The following CENPP variants were observed in gnomAD, a reference collection of about 807,000 sequenced individuals.
The protein encoded by CENPP is centromere protein P.
A neutral mutation model predicts 35.6 loss-of-function variants in CENPP; 24 were observed. The observed-to-expected ratio is 0.67, with a 90% CI of 0.49 to 0.95. The LOEUF is 0.95. CENPP is among the 40% of genes least tolerant of loss of function. The pLI is 0.00. For missense variants in CENPP, 332 were observed against 345.3 expected, an observed-to-expected ratio of 0.96 and a Z score of 0.31; for synonymous variants, 120 against 125.5, an observed-to-expected ratio of 0.96 and a Z score of 0.29.
intron 5 of CENPP, among the ~76,000 whole-genome samples, chr9:92,432,886 A>G (rs1844149843): frequency 6.6e-6 from 1 of 152,104 alleles, no homozygotes; most frequent in Non-Finnish European, 1.5e-5. Flanking sequence ...TAGACCCTTT[A>G]ATTTGGGGAA....
intron 5 of CENPP, chr9:92,522,732 G>C (rs755202399): frequency 6.2e-6 from 10 of 1,614,038 alleles, no homozygotes; most frequent in Non-Finnish European, 8.5e-6. Flanking sequence ...ATCTGTGCTT[G>C]TGTGAGGTTG....
At chr9:92,550,312 CT>C (rs1849561607) in intron 5 of CENPP, among the ~76,000 whole-genome samples, 1 of 151,740 alleles carries the variant, frequency 6.6e-6, no homozygotes, top group African/African-American at 2.4e-5. Flanking sequence ...AGGAGAGTCA[CT>C]TGAACCCAGG....
intron 5 of CENPP, among the ~76,000 whole-genome samples, chr9:92,547,586 C>T (rs533718863): frequency 3.9e-5 from 6 of 152,194 alleles, no homozygotes; most frequent in Non-Finnish European, 8.8e-5. Context: ...TGAATGATTT[C>T]ATTCGTATGA....
At chr9:92,532,029 A>ATTTTTTTTTTTTTTTTTTTTTTTT (rs201461115) in intron 5 of CENPP, among the ~76,000 whole-genome samples, 1 of 91,050 alleles carries the variant, frequency 1.1e-5, no homozygotes, top group Non-Finnish European at 2.1e-5. Flanking sequence ...TTTTTTTTTT[A>ATTTTTTTTTTTTTTTTTTTTTTTT]TTTTATTTTT....
At chr9:92,546,319 C>G (rs771134071) in intron 5 of CENPP, among the ~76,000 whole-genome samples, 2 of 152,206 alleles carry the variant, frequency 1.3e-5, no homozygotes, top group African/African-American at 4.8e-5. Context: ...CTAGCCCTGA[C>G]AACCCACCAG....
At chr9:92,443,915 G>A (rs894037618) in intron 5 of CENPP, among the ~76,000 whole-genome samples, 3 of 152,060 alleles carry the variant, frequency 2.0e-5, no homozygotes, top group East Asian at 1.9e-4. Flanking sequence ...CACCCACTTC[G>A]GCCTCCCAAA....
At chr9:92,516,187 C>T (rs1588213697) in intron 5 of CENPP, among the ~76,000 whole-genome samples, 1 of 151,930 alleles carries the variant, frequency 6.6e-6, no homozygotes, top group East Asian at 1.9e-4. Context: ...CCTCAGCCTC[C>T]CAAGTAGCTG....
At chr9:92,508,254 G>A (rs368224892) in intron 5 of CENPP, among the ~76,000 whole-genome samples, 2 of 152,324 alleles carry the variant, frequency 1.3e-5, no homozygotes, top group South Asian at 2.1e-4. Context: ...AGTGCAGCCG[G>A]GGGTATCTGA....
rs557003379 is a variant in CENPP at position 92,345,782 on chromosome 9, G to A, written c.462G>A (p.Val154=). The change falls in exon 4 of 8, where the codon GTG becomes GTA. Residue 154 remains valine (V), a synonymous_variant. Transcript: ENST00000375587. The part of the protein sequence containing the change: ...PTECSELSEF[V]SRAEERKDLF... The stretch of plus-strand genomic sequence containing the variant: ...AATGCTCAGAATTAAGTGAATTTGT[G>A]TCTAGGTAAGCTATTTTACAAACTT... The A allele has an allele frequency of 5.7e-6, 9 of 1,583,630 alleles. No individual in the cohort carries two copies. The Middle Eastern group carries it at 5.2e-4, about 91-fold the overall frequency.
chr9:92,428,401 A>G (rs1338243546), intron 5 of CENPP, among the ~76,000 whole-genome samples: 3 of 152,198 alleles, frequency 2.0e-5, no homozygotes, highest in Admixed American at 6.5e-5. Context: ...CTACAAAATC[A>G]GAACCTCTGA....
intron 3 of CENPP, among the ~76,000 whole-genome samples, chr9:92,344,861 C>T (rs1425791980): frequency 1.3e-5 from 2 of 148,210 alleles, no homozygotes; most frequent in Non-Finnish European, 3.0e-5. Context: ...CTTTGCTCAT[C>T]TTATAGGTAA....
At chr9:92,562,207 C>CTT (rs1403227581) in intron 5 of CENPP, among the ~76,000 whole-genome samples, 2 of 131,420 alleles carry the variant, frequency 1.5e-5, no homozygotes, top group Non-Finnish European at 3.4e-5. Context: ...TTTTTCTTTT[C>CTT]TTTTTTTTTT....
At chr9:92,441,548 C>A (rs1305578664) in intron 5 of CENPP, among the ~76,000 whole-genome samples, 1 of 152,052 alleles carries the variant, frequency 6.6e-6, no homozygotes, top group Non-Finnish European at 1.5e-5. Context: ...CACTTGAGCC[C>A]AGGAGTTCAA....
chr9:92,423,127 A>G (rs1369861909), intron 5 of CENPP, among the ~76,000 whole-genome samples: 1 of 152,200 alleles, frequency 6.6e-6, no homozygotes, highest in Non-Finnish European at 1.5e-5. Context: ...TCAAATGAAC[A>G]TATTCATGAG....
chr9:92,517,712 T>G (rs945276692), intron 5 of CENPP: 1 of 1,614,074 alleles, frequency 6.2e-7, no homozygotes, highest in African/African-American at 1.3e-5. Context: ...CCGGGCAGCA[T>G]TCCCCTTCAG....
chr9:92,566,343 A>G (rs1849967735), intron 5 of CENPP, among the ~76,000 whole-genome samples: 1 of 151,942 alleles, frequency 6.6e-6, no homozygotes, highest in Non-Finnish European at 1.5e-5. Flanking sequence ...AAAGTAACAT[A>G]AAAATATAGC....
chr9:92,606,057 T>C (rs1364178858), intron 5 of CENPP, among the ~76,000 whole-genome samples: 1 of 152,014 alleles, frequency 6.6e-6, no homozygotes, highest in African/African-American at 2.4e-5. Flanking sequence ...GCCCAAGAGT[T>C]CAAGACCAGC....
chr9:92,396,570 T>A (rs1390924767), intron 5 of CENPP, among the ~76,000 whole-genome samples: 1 of 2,226 alleles, frequency 4.5e-4, no homozygotes, highest in East Asian at 0.028. Flanking sequence ...ATACCTTTAT[T>A]TTTTTTTTTT....
At position 92,518,426 on chromosome 9, in the gene CENPP, G is replaced by A. The variant is rs184863947; in HGVS notation, c.565-92888G>A. Among the ~76,000 whole-genome samples the A allele has an allele frequency of 2.6e-3, 394 of 152,274 alleles. 1 individual carries two copies. Among genetic ancestry groups the A allele is most frequent in the Non-Finnish European group, 4.2e-3 (289 of 68,008 alleles). On this transcript the variant is annotated intron_variant, in intron 5 of 7. Coordinates refer to ENST00000375587, the MANE Select transcript of CENPP (RefSeq NM_001012267.3). ...AATCCAGTTCCCTCATGTGACCAGAGAGCTGAGCTAGCACTAATGATGAGC... is the reference window on the plus strand; with the variant it reads ...AATCCAGTTCCCTCATGTGACCAGAAAGCTGAGCTAGCACTAATGATGAGC...
Sources: gnomAD v4.1 joint callset for allele counts (sites outside exome capture counted in the v4.1 genomes callset) on GRCh38, gnomAD v4.1.1 for gene constraint, MANE v1.5 for transcripts, NCBI Gene and HGNC (gene_info 2026-07-23, HGNC 2026-07-21) for gene names.